DMD: variants seen among roughly 807,000 people sequenced by gnomAD.
The protein encoded by DMD is dystrophin, also known as mutant dystrophin.
Under a neutral mutation model 330.1 loss-of-function variants are expected in DMD, and 63 were observed. The observed-to-expected ratio is 0.19, with a 90% CI of 0.16 to 0.24. The LOEUF (loss-of-function observed/expected upper bound fraction) is 0.24, where lower values mean the gene tolerates loss of function less well. Among genes scored for constraint, DMD ranks in the 10% least tolerant of loss-of-function variants. DMD has a pLI of 1.00. For synonymous variants in DMD, 1,223 were observed against 959.8 expected (o/e 1.27, Z -5.07); for missense variants, 3,344 against 2,684.1 (o/e 1.25, Z -5.43).
intron 9 of DMD, among the ~76,000 whole-genome samples, chrX:32,678,317 G>T (rs1275246772): frequency 1.8e-5 from 2 of 112,145 alleles, no homozygotes; most frequent in African/African-American, 6.5e-5. Flanking sequence ...GATGCCCTAT[G>T]GTGTTTCTTG....
rs370103963 is a variant in DMD at position 32,573,581 on chromosome X, T to C, written c.1761A>G (p.Thr587=). Residue 587 remains threonine (T), a synonymous_variant, in exon 15 of 79, where the codon ACA becomes ACG. Coordinates refer to ENST00000357033, the MANE Select transcript of DMD (RefSeq NM_004006.3). Reference sequence around the variant, plus strand: ...TTTCATTTTGATCTTTAAAGCCAGTTGTGTGAATCTTGTTCACTGCATCTT... The same window carrying C: ...TTTCATTTTGATCTTTAAAGCCAGTCGTGTGAATCTTGTTCACTGCATCTT... ...EKEDAVNKIH[T]TGFKDQNEML... The C allele has an allele frequency of 2.0e-5, 24 of 1,210,541 alleles. No homozygotes were observed. In the African/African-American group the frequency reaches 3.8e-4, roughly 19 times the overall value.
intron 51 of DMD, among the ~76,000 whole-genome samples, chrX:31,768,977 C>T (rs1287119907): frequency 8.9e-6 from 1 of 111,900 alleles, no homozygotes; most frequent in Non-Finnish European, 1.9e-5. Flanking sequence ...ATTTTTTTCA[C>T]TGAATATAAT....
chrX:32,547,300 T>A (rs1329288262), intron 16 of DMD, among the ~76,000 whole-genome samples: 1 of 111,330 alleles, frequency 9.0e-6, no homozygotes, highest in East Asian at 2.8e-4. Flanking sequence ...TGGTATCTAC[T>A]TATAAAATTG....
intron 1 of DMD, among the ~76,000 whole-genome samples, chrX:33,024,318 A>G (rs2147789527): frequency 8.9e-6 from 1 of 112,371 alleles, no homozygotes; most frequent in Admixed American, 9.4e-5. Context: ...TTTGTTTATA[A>G]CTGATTTTAT....
chrX:33,044,529 A>G (rs1182420770), intron 1 of DMD, among the ~76,000 whole-genome samples: 5 of 112,312 alleles, frequency 4.5e-5, no homozygotes, highest in Non-Finnish European at 9.4e-5. Context: ...CATTGATTTA[A>G]CTTCGGAAAT....
intron 51 of DMD, among the ~76,000 whole-genome samples, chrX:31,767,266 C>A (rs1014999458): frequency 9.0e-6 from 1 of 111,354 alleles, no homozygotes; most frequent in African/African-American, 3.3e-5. Context: ...GATTGTTGAT[C>A]GATGAAAGAG....
At chrX:33,289,882 C>A (rs1264056438) in intron 1 of DMD, among the ~76,000 whole-genome samples, 1 of 111,921 alleles carries the variant, frequency 8.9e-6, no homozygotes, top group African/African-American at 3.2e-5. Flanking sequence ...CAGCCATTTT[C>A]TGCAGAATGA....
chrX:31,929,583 G>A lies in DMD; in HGVS notation c.6912+13C>T. ...TTTAACACATGTGACGGAAGAGATG[G>A]TTAATGTCTAACCTTTATCCACTGG... On this transcript the variant is annotated intron_variant, in intron 47 of 78. Transcript: ENST00000357033. 1 of 1,209,241 alleles carries A rather than the reference G, an allele frequency of 8.3e-7. No individual in the cohort carries two copies. Among genetic ancestry groups the A allele is most frequent in the Non-Finnish European group, 1.1e-6 (1 of 893,841 alleles).
intron 44 of DMD, among the ~76,000 whole-genome samples, chrX:32,071,175 T>C (rs896565514): frequency 9.0e-6 from 1 of 110,692 alleles, no homozygotes; most frequent in Non-Finnish European, 1.9e-5. Flanking sequence ...TTTGGGTATA[T>C]ACCCAGTAAT....
At chrX:32,621,770 G>A (rs1021120214) in intron 11 of DMD, among the ~76,000 whole-genome samples, 1 of 110,760 alleles carries the variant, frequency 9.0e-6, no homozygotes, top group Non-Finnish European at 1.9e-5. Context: ...CAGCCAAATA[G>A]AGCCCTGCTT....
At chrX:31,775,694 A>C (rs2090613724) in intron 50 of DMD, among the ~76,000 whole-genome samples, 1 of 111,688 alleles carries the variant, frequency 9.0e-6, no homozygotes, top group African/African-American at 3.3e-5. Flanking sequence ...ATTAAAAAAA[A>C]ATGAGACATT....
intron 1 of DMD, among the ~76,000 whole-genome samples, chrX:33,221,370 A>G (rs1220835280): frequency 9.0e-6 from 1 of 111,602 alleles, no homozygotes; most frequent in Non-Finnish European, 1.9e-5. Context: ...GGTTTTAAAG[A>G]TAACACCGTA....
chrX:32,367,102 A>G (rs2147282147), intron 34 of DMD, among the ~76,000 whole-genome samples: 1 of 111,990 alleles, frequency 8.9e-6, no homozygotes, highest in African/African-American at 3.2e-5. Context: ...ATATTCTGGG[A>G]GATTATTAGA....
chrX:31,878,511 A>G, intron 47 of DMD, among the ~76,000 whole-genome samples: 1 of 112,385 alleles, frequency 8.9e-6, no homozygotes. Flanking sequence ...AGACAAAAAT[A>G]TCAGTAAACT....
chrX:32,707,036 G>A (rs1169951627), intron 7 of DMD, among the ~76,000 whole-genome samples: 2 of 110,488 alleles, frequency 1.8e-5, no homozygotes, highest in Non-Finnish European at 3.8e-5. Flanking sequence ...AGATGACGGT[G>A]AGCCGAGATC....
intron 1 of DMD, among the ~76,000 whole-genome samples, chrX:33,020,652 C>T (rs1041264614): frequency 8.1e-5 from 9 of 111,323 alleles, no homozygotes; most frequent in Admixed American, 3.8e-4. Context: ...CCAGCGTGGG[C>T]GACAGAGCAA....
chrX:33,289,814 T>A (rs1393093368), intron 1 of DMD, among the ~76,000 whole-genome samples: 1 of 111,722 alleles, frequency 9.0e-6, no homozygotes, highest in African/African-American at 3.2e-5. Context: ...ACTTGGATGT[T>A]TACCATTTCA....
intron 1 of DMD, among the ~76,000 whole-genome samples, chrX:33,283,115 T>C (rs950893069): frequency 1.8e-5 from 2 of 112,423 alleles, no homozygotes; most frequent in African/African-American, 6.5e-5. Flanking sequence ...GTTTTTAAAA[T>C]GTGCACAACT....
At chrX:32,755,892 T>C (rs2071443982) in intron 7 of DMD, among the ~76,000 whole-genome samples, 1 of 112,075 alleles carries the variant, frequency 8.9e-6, no homozygotes, top group South Asian at 3.6e-4. Context: ...TGGAGCAAAC[T>C]AATTAATTTT....
Sources: gnomAD v4.1 joint callset for allele counts (sites outside exome capture counted in the v4.1 genomes callset) on GRCh38, gnomAD v4.1.1 for gene constraint, MANE v1.5 for transcripts, NCBI Gene and HGNC (gene_info 2026-07-23, HGNC 2026-07-21) for gene names.